FNDC3B: variants seen among roughly 807,000 people sequenced by gnomAD.
FNDC3B encodes the protein fibronectin type III domain containing 3B.
In FNDC3B, 12 loss-of-function variants were observed where a neutral mutation model predicts 151.5. The observed-to-expected ratio is 0.08, with a 90% CI of 0.05 to 0.13. The LOEUF (loss-of-function observed/expected upper bound fraction) is 0.13, where lower values mean the gene tolerates loss of function less well. FNDC3B is among the 10% of genes least tolerant of loss of function. The probability of loss-of-function intolerance (pLI) is 1.00; values close to 1 mark genes in which losing one functional copy is unlikely to be tolerated. For missense variants in FNDC3B, 1,214 were observed against 1,505.3 expected (o/e 0.81, Z 3.20); for synonymous variants, 528 against 549.0 (o/e 0.96, Z 0.54).
At chr3:172,142,077 A>G (rs530274300) in intron 3 of FNDC3B, among the ~76,000 whole-genome samples, 1 of 152,254 alleles carries the variant, frequency 6.6e-6, no homozygotes, top group Non-Finnish European at 1.5e-5. Context: ...TGGAATAGTA[A>G]TTTCTCTCTG....
intron 3 of FNDC3B, among the ~76,000 whole-genome samples, chr3:172,215,212 T>A (rs889136348): frequency 6.6e-6 from 1 of 152,234 alleles, no homozygotes; most frequent in Non-Finnish European, 1.5e-5. Context: ...TGCCCATGAG[T>A]TCTTCATGGA....
intron 17 of FNDC3B, among the ~76,000 whole-genome samples, chr3:172,341,584 A>G (rs1231326136): frequency 2.0e-5 from 3 of 152,256 alleles, no homozygotes; most frequent in Non-Finnish European, 2.9e-5. Flanking sequence ...ATTTTAGAGT[A>G]AAAAGATAAG....
chr3:172,270,428 A>G lies in FNDC3B; in HGVS notation c.791-15498A>G, dbSNP rs111559835. Among the ~76,000 whole-genome samples the G allele has an allele frequency of 3.0e-3, 458 of 152,272 alleles. 4 individuals carry two copies. Among genetic ancestry groups the G allele is most frequent in the African/African-American group, 0.011 (445 of 41,554 alleles). ...GTTCTCTGTGCCCTTGCCACACAGC[A>G]TACTTTCTCCAATTCTCTAACATGT... On this transcript the variant is annotated intron_variant, in intron 6 of 25. Transcript: ENST00000415807.
At chr3:172,068,836 C>T (rs1378368233) in intron 1 of FNDC3B, among the ~76,000 whole-genome samples, 1 of 152,282 alleles carries the variant, frequency 6.6e-6, no homozygotes, top group Admixed American at 6.5e-5. Flanking sequence ...GCTTTACATG[C>T]ATTTCTTCAT....
chr3:172,141,233 T>C (rs763335269), intron 3 of FNDC3B, among the ~76,000 whole-genome samples: 1 of 152,218 alleles, frequency 6.6e-6, no homozygotes, highest in Non-Finnish European at 1.5e-5. Flanking sequence ...CTCCCTTTCA[T>C]TGCTTATTTA....
At chr3:172,286,913 T>G (rs939696861) in intron 7 of FNDC3B, among the ~76,000 whole-genome samples, 1 of 152,200 alleles carries the variant, frequency 6.6e-6, no homozygotes, top group African/African-American at 2.4e-5. Context: ...GCTACTGTAG[T>G]CCTGGTGAAA....
At position 172,385,507 on chromosome 3, in the gene FNDC3B, G is replaced by A. The variant is rs73037045; in HGVS notation, c.3303+4414G>A. On this transcript the variant is annotated intron_variant, in intron 25 of 25. Coordinates refer to ENST00000415807, the MANE Select transcript of FNDC3B (RefSeq NM_022763.4). ...GGTGACAAGAGTAAACTTCAGCATA[G>A]AAAGAAAAAAATCACCCCTAATAGG... Among the ~76,000 whole-genome samples the A allele has an allele frequency of 3.2e-3, 489 of 151,246 alleles. 2 individuals are homozygous for A. The highest frequency in any genetic ancestry group is 0.011 in the African/African-American group (454 of 41,318).
At chr3:172,226,991 G>A (rs373564598) in intron 4 of FNDC3B, 44 bp downstream of exon 4, 50 of 1,281,246 alleles carry the variant, frequency 3.9e-5, no homozygotes, top group African/African-American at 3.8e-4. Context: ...GGACACTGTC[G>A]TTGCTCCAAC....
chr3:172,062,576 G>A (rs549702639), intron 1 of FNDC3B, among the ~76,000 whole-genome samples: 7 of 152,160 alleles, frequency 4.6e-5, no homozygotes, highest in South Asian at 2.1e-4. Flanking sequence ...GAGCCACCGC[G>A]CCTGGCCACT....
chr3:172,088,125 A>C (rs1559960300), intron 1 of FNDC3B, among the ~76,000 whole-genome samples: 1 of 152,052 alleles, frequency 6.6e-6, no homozygotes, highest in African/African-American at 2.4e-5. Flanking sequence ...TGTGACCTAA[A>C]TGAGTGTTGT....
chr3:172,389,388 T>C (rs1225696968), intron 25 of FNDC3B, among the ~76,000 whole-genome samples: 1 of 151,854 alleles, frequency 6.6e-6, no homozygotes, highest in Non-Finnish European at 1.5e-5. Context: ...TGCTGACTTT[T>C]AAGGACATTA....
chr3:172,329,291 GC>G, intron 12 of FNDC3B: 1 of 471,812 alleles, frequency 2.1e-6, no homozygotes. Context: ...TATTGCGAAG[GC>G]CCCACTAGGG....
At chr3:172,076,759 A>G (rs1377889232) in intron 1 of FNDC3B, among the ~76,000 whole-genome samples, 1 of 152,206 alleles carries the variant, frequency 6.6e-6, no homozygotes, top group East Asian at 1.9e-4. Context: ...TGTGAATTCT[A>G]ATCAGGTCAC....
At position 172,239,058 on chromosome 3, in the gene FNDC3B, T is replaced by TA. The variant is rs33940644; in HGVS notation, c.265-8475_265-8474insA. ...TAAGCAGATATAATTAATTTATTTT[T>TA]TTTTTTTTATTTTGGCTTGCTTTCT... is the stretch of plus-strand genomic sequence containing the variant. On this transcript the variant is annotated intron_variant, in intron 4 of 25. Transcript: ENST00000415807. Among the ~76,000 whole-genome samples the TA allele has an allele frequency of 7.8e-3, 217 of 27,910 alleles. 2 individuals carry two copies. In the African/African-American group the frequency reaches 0.16, roughly 20 times the overall value. The allele number at this position is 27,910 out of a possible 152,430, so 18.3% of individuals were successfully genotyped here. A position where few individuals can be genotyped will look rare whatever the true frequency, so the allele number is the denominator to read the frequency against.
intron 1 of FNDC3B, among the ~76,000 whole-genome samples, chr3:172,060,526 G>T (rs148175842): frequency 2.0e-5 from 3 of 152,302 alleles, no homozygotes; most frequent in African/African-American, 7.2e-5. Flanking sequence ...TAGATTGCAT[G>T]AACTGGTACC....
intron 1 of FNDC3B, among the ~76,000 whole-genome samples, chr3:172,099,085 C>A (rs1198995929): frequency 6.6e-6 from 1 of 152,126 alleles, no homozygotes; most frequent in Non-Finnish European, 1.5e-5. Flanking sequence ...TTATAGCGGC[C>A]AGTGGAAAAT....
chr3:172,290,840 G>T (rs1730289623), intron 7 of FNDC3B, among the ~76,000 whole-genome samples: 1 of 151,968 alleles, frequency 6.6e-6, no homozygotes, highest in African/African-American at 2.4e-5. Flanking sequence ...TTCCTTTGTG[G>T]TGGTGTTTCT....
At chr3:172,327,391 A>G (rs954679392) in intron 11 of FNDC3B, among the ~76,000 whole-genome samples, 1 of 147,926 alleles carries the variant, frequency 6.8e-6, no homozygotes, top group Non-Finnish European at 1.5e-5. Flanking sequence ...ATGTGGTGTG[A>G]TTTTTTTGGG....
intron 2 of FNDC3B, among the ~76,000 whole-genome samples, chr3:172,128,648 C>A (rs1720920224): frequency 6.6e-6 from 1 of 152,128 alleles, no homozygotes; most frequent in African/African-American, 2.4e-5. Flanking sequence ...CTCATGTAGT[C>A]AAAGGTCACT....
Sources: gnomAD v4.1 joint callset for allele counts (sites outside exome capture counted in the v4.1 genomes callset) on GRCh38, gnomAD v4.1.1 for gene constraint, MANE v1.5 for transcripts, NCBI Gene and HGNC (gene_info 2026-07-23, HGNC 2026-07-21) for gene names.